The following CDH2 variants were observed in gnomAD, a reference collection of about 807,000 sequenced individuals.
CDH2 encodes cadherin 2.
A neutral mutation model predicts 92.0 loss-of-function variants in CDH2; 17 were observed. That is an observed-to-expected ratio of 0.18 (90% CI 0.13 to 0.28). The LOEUF (loss-of-function observed/expected upper bound fraction) is 0.28. Among genes scored for constraint, CDH2 ranks in the 10% least tolerant of loss-of-function variants. The pLI is 1.00. For synonymous variants in CDH2, 419 were observed against 415.9 expected (o/e 1.01, Z -0.09); for missense variants, 862 against 1,133.1 (o/e 0.76, Z 3.44).
chr18:28,012,561 A>G (rs909480328), intron 3 of CDH2, among the ~76,000 whole-genome samples: 2 of 152,192 alleles, frequency 1.3e-5, no homozygotes, highest in East Asian at 3.9e-4. Context: ...CTGGATGTCA[A>G]CATTTTCTTC....
At chr18:27,981,281 T>C (rs1466667247) in intron 14 of CDH2, among the ~76,000 whole-genome samples, 1 of 152,226 alleles carries the variant, frequency 6.6e-6, no homozygotes, top group Admixed American at 6.5e-5. Flanking sequence ...ATGTGATCAA[T>C]ATGTTTGTTG....
At chr18:28,061,890 T>C (rs1188518571) in intron 2 of CDH2, among the ~76,000 whole-genome samples, 2 of 152,152 alleles carry the variant, frequency 1.3e-5, no homozygotes, top group Non-Finnish European at 1.5e-5. Flanking sequence ...ACCTGCCCCA[T>C]GATTCAATTA....
chr18:28,148,647 C>A (rs764562083), intron 1 of CDH2, among the ~76,000 whole-genome samples: 1 of 152,024 alleles, frequency 6.6e-6, no homozygotes, highest in African/African-American at 2.4e-5. Context: ...AGAGGAAGGA[C>A]GAGTAGAATG....
rs2013112736 is a variant in CDH2, at chr18:28,011,943, T to G, written c.449A>C (p.His150Pro). 6.2e-7 allele frequency: 1 copy of G among 1,613,912 alleles called. No individual in the cohort carries two copies. The highest frequency in any genetic ancestry group is 1.1e-5 in the South Asian group (1 of 91,086). ...CTTCTGCCTTTGTAGGTGGCCACTG[T>G]GCTTACTGAATTGTCTTGGGAACAC... ...EIVFPRQFSK[H>P]SGHLQRQKRD... The change falls in exon 4 of 16, where the codon CAC becomes CCC. Residue 150 changes from histidine (H) to proline (P), a missense_variant. By Grantham distance (77) the His-to-Pro change is moderately conservative (BLOSUM62 -2). Transcript: ENST00000269141.
intron 15 of CDH2, among the ~76,000 whole-genome samples, chr18:27,954,900 C>T (rs1056279851): frequency 6.6e-6 from 1 of 152,162 alleles, no homozygotes; most frequent in African/African-American, 2.4e-5. Context: ...CCTACAAGAT[C>T]TAGCAACTGC....
chr18:28,136,354 A>C (rs1422338987), intron 2 of CDH2, among the ~76,000 whole-genome samples: 2 of 151,546 alleles, frequency 1.3e-5, no homozygotes, highest in Non-Finnish European at 2.9e-5. Context: ...TGAACTGAGA[A>C]GTAGTTTATG....
intron 6 of CDH2, among the ~76,000 whole-genome samples, chr18:27,945,834 T>C (rs1443117728): frequency 6.6e-6 from 1 of 152,186 alleles, no homozygotes; most frequent in African/African-American, 2.4e-5. Context: ...TGTTACAGTG[T>C]CTGTTTGAAA....
intron 2 of CDH2, among the ~76,000 whole-genome samples, chr18:28,094,557 G>A (rs997742609): frequency 2.0e-5 from 3 of 151,808 alleles, no homozygotes; most frequent in Non-Finnish European, 4.4e-5. Flanking sequence ...CACTTTAGGA[G>A]GCTGAGGCGG....
At chr18:28,170,873 G>T (rs906791380) in intron 1 of CDH2, among the ~76,000 whole-genome samples, 1 of 150,680 alleles carries the variant, frequency 6.6e-6, no homozygotes, top group Non-Finnish European at 1.5e-5. Flanking sequence ...AAATATCTTC[G>T]TATATGTATC....
intron 2 of CDH2, among the ~76,000 whole-genome samples, chr18:28,120,818 C>T (rs1035247019): frequency 5.3e-5 from 8 of 152,116 alleles, no homozygotes; most frequent in African/African-American, 1.9e-4. Flanking sequence ...ACACAGATAT[C>T]ACCCACACTA....
At chr18:28,038,803 T>C (rs949714166) in intron 2 of CDH2, among the ~76,000 whole-genome samples, 1 of 152,182 alleles carries the variant, frequency 6.6e-6, no homozygotes, top group Non-Finnish European at 1.5e-5. Flanking sequence ...TTTGATAATT[T>C]GTGTGTTTCC....
chr18:27,973,995 C>A (rs1035361349), intron 14 of CDH2, among the ~76,000 whole-genome samples: 3 of 152,130 alleles, frequency 2.0e-5, no homozygotes, highest in African/African-American at 7.2e-5. Context: ...GTTAAGAAAC[C>A]AATAAATACA....
At chr18:28,027,367 G>A (rs1019130061) in intron 2 of CDH2, among the ~76,000 whole-genome samples, 1 of 151,836 alleles carries the variant, frequency 6.6e-6, no homozygotes. Context: ...CTACCAAAAA[G>A]TTTTTATTAT....
At chr18:28,093,657 C>A (rs141036272) in intron 2 of CDH2, among the ~76,000 whole-genome samples, 1 of 151,914 alleles carries the variant, frequency 6.6e-6, no homozygotes, top group Non-Finnish European at 1.5e-5. Context: ...TAAAACATTG[C>A]GAAAAATCAC....
intron 15 of CDH2, among the ~76,000 whole-genome samples, chr18:27,962,361 G>A (rs1394954340): frequency 6.6e-6 from 1 of 152,144 alleles, no homozygotes; most frequent in Non-Finnish European, 1.5e-5. Context: ...TAGTTATAGA[G>A]ACAGGCAACT....
intron 2 of CDH2, among the ~76,000 whole-genome samples, chr18:28,107,183 C>A (rs1318543359): frequency 6.6e-6 from 1 of 151,828 alleles, no homozygotes; most frequent in Non-Finnish European, 1.5e-5. Context: ...TAATAAATTT[C>A]TTTTCCTTTA....
At chr18:28,015,838 A>G (rs1396466398) in intron 2 of CDH2, among the ~76,000 whole-genome samples, 1 of 152,170 alleles carries the variant, frequency 6.6e-6, no homozygotes, top group Non-Finnish European at 1.5e-5. Context: ...GTAACATTAT[A>G]TGTCAGATCT....
At chr18:28,077,270 A>G (rs1230480592) in intron 2 of CDH2, among the ~76,000 whole-genome samples, 1 of 152,192 alleles carries the variant, frequency 6.6e-6, no homozygotes, top group African/African-American at 2.4e-5. Context: ...TTGTAAGCAG[A>G]AATCATAATC....
chr18:28,139,266 G>T (rs1598501860), intron 2 of CDH2, among the ~76,000 whole-genome samples: 1 of 152,048 alleles, frequency 6.6e-6, no homozygotes, highest in Admixed American at 6.6e-5. Flanking sequence ...GTCTTAGTAA[G>T]TGTCTCCCCT....
Sources: gnomAD v4.1 joint callset for allele counts (sites outside exome capture counted in the v4.1 genomes callset) on GRCh38, gnomAD v4.1.1 for gene constraint, MANE v1.5 for transcripts, NCBI Gene and HGNC (gene_info 2026-07-23, HGNC 2026-07-21) for gene names.